CTNNA2: variants seen among roughly 807,000 people sequenced by gnomAD.
The protein encoded by CTNNA2 is catenin alpha-2.
In CTNNA2, 42 loss-of-function variants were observed where a neutral mutation model predicts 101.0. The observed-to-expected ratio is 0.42, with a 90% CI of 0.32 to 0.54. The LOEUF (loss-of-function observed/expected upper bound fraction) is 0.54. CTNNA2 is among the 20% of genes least tolerant of loss of function. CTNNA2 has a pLI of 0.14. For missense variants in CTNNA2, 871 were observed against 1,223.1 expected (o/e 0.71, Z 4.29); for synonymous variants, 450 against 456.4 (o/e 0.99, Z 0.18).
rs1573412629 is a variant in CTNNA2, at chr2:79,587,203, T to C, written c.-5-64349T>C. Among the ~76,000 whole-genome samples, 3 of 152,320 alleles carry C rather than the reference T, an allele frequency of 2.0e-5. No individual in the cohort carries two copies. In the South Asian group the frequency reaches 6.2e-4, roughly 32 times the overall value. The stretch of plus-strand genomic sequence containing the variant: ...GATACCCAGTAATGGGATGGCTGGA[T>C]GGAACGGTAGTTCTACTTTTAGTCC... On this transcript the variant is annotated intron_variant, in intron 1 of 18. Transcript: ENST00000402739.
intron 9 of CTNNA2, among the ~76,000 whole-genome samples, chr2:80,529,329 T>C (rs982093301): frequency 1.3e-5 from 2 of 152,308 alleles, no homozygotes; most frequent in Non-Finnish European, 2.9e-5. Flanking sequence ...ATTTGGCCCA[T>C]AGACATAGAT....
chr2:80,334,099 A>G (rs1006540370), intron 7 of CTNNA2, among the ~76,000 whole-genome samples: 1 of 152,088 alleles, frequency 6.6e-6, no homozygotes, highest in Non-Finnish European at 1.5e-5. Context: ...GAATTATGTC[A>G]TTTCTTCCTT....
chr2:79,683,413 C>T (rs539614676), intron 2 of CTNNA2, among the ~76,000 whole-genome samples: 1 of 152,300 alleles, frequency 6.6e-6, no homozygotes, highest in Non-Finnish European at 1.5e-5. Context: ...AGAAGTCCGT[C>T]TTTGGAAGTC....
At chr2:79,467,090 G>A (rs1670945835) in intron 4 of CTNNA2, among the ~76,000 whole-genome samples, 1 of 152,186 alleles carries the variant, frequency 6.6e-6, no homozygotes, top group African/African-American at 2.4e-5. Flanking sequence ...AGCTAAAGGA[G>A]GAATTTCAAA....
intron 7 of CTNNA2, among the ~76,000 whole-genome samples, chr2:80,059,846 A>G (rs1355081001): frequency 6.6e-6 from 1 of 152,216 alleles, no homozygotes; most frequent in Non-Finnish European, 1.5e-5. Context: ...TTATTAATTC[A>G]TAGCAGCCGT....
intron 4 of CTNNA2, among the ~76,000 whole-genome samples, chr2:79,481,570 G>A (rs1671110855): frequency 6.6e-6 from 1 of 152,014 alleles, no homozygotes; most frequent in Admixed American, 6.6e-5. Flanking sequence ...TAACACACAC[G>A]TACAAACACG....
intron 7 of CTNNA2, among the ~76,000 whole-genome samples, chr2:80,203,449 A>T (rs1010676862): frequency 6.6e-6 from 1 of 152,200 alleles, no homozygotes; most frequent in Admixed American, 6.5e-5. Context: ...TGGCCAAAAC[A>T]ATGGGGCCAC....
intron 7 of CTNNA2, among the ~76,000 whole-genome samples, chr2:80,083,099 C>G (rs1264458899): frequency 1.3e-5 from 2 of 152,038 alleles, no homozygotes. Flanking sequence ...GGGAAATACC[C>G]CTGGAACCTG....
intron 3 of CTNNA2, among the ~76,000 whole-genome samples, chr2:79,766,114 C>A (rs963048628): frequency 6.6e-6 from 1 of 152,138 alleles, no homozygotes; most frequent in Admixed American, 6.6e-5. Context: ...CTTATTGTTA[C>A]CAGTAAGTTT....
intron 3 of CTNNA2, among the ~76,000 whole-genome samples, chr2:79,839,401 T>A (rs2103831961): frequency 6.6e-6 from 1 of 152,174 alleles, no homozygotes; most frequent in East Asian, 1.9e-4. Flanking sequence ...TATGGACTTC[T>A]TTTTACTTAT....
At chr2:79,599,620 T>G (rs1271932602) in intron 1 of CTNNA2, among the ~76,000 whole-genome samples, 1 of 152,252 alleles carries the variant, frequency 6.6e-6, no homozygotes, top group Middle Eastern at 3.4e-3. Flanking sequence ...TTTAATAAAA[T>G]TGGAGTAGTA....
intron 7 of CTNNA2, among the ~76,000 whole-genome samples, chr2:80,076,429 C>T (rs764106405): frequency 2.6e-5 from 4 of 151,998 alleles, no homozygotes; most frequent in Non-Finnish European, 4.4e-5. Context: ...CAGATATGTG[C>T]CACCATGCCT....
At chr2:79,684,426 T>A (rs1018180066) in intron 2 of CTNNA2, among the ~76,000 whole-genome samples, 1 of 152,306 alleles carries the variant, frequency 6.6e-6, no homozygotes, top group African/African-American at 2.4e-5. Flanking sequence ...TAGTTTATTC[T>A]TAACATATTT....
chr2:79,336,860 C>A (rs1573092284), intron 3 of CTNNA2, among the ~76,000 whole-genome samples: 1 of 152,278 alleles, frequency 6.6e-6, no homozygotes, highest in Non-Finnish European at 1.5e-5. Context: ...GTGGTGTTGT[C>A]TATTTGTAGC....
At chr2:79,676,809 T>G (rs1006083297) in intron 2 of CTNNA2, among the ~76,000 whole-genome samples, 1 of 152,254 alleles carries the variant, frequency 6.6e-6, no homozygotes, top group Non-Finnish European at 1.5e-5. Context: ...TGAGAAATTG[T>G]GAAAAGCTTT....
At chr2:80,478,530 A>C (rs2149495717) in intron 9 of CTNNA2, among the ~76,000 whole-genome samples, 1 of 152,214 alleles carries the variant, frequency 6.6e-6, no homozygotes, top group South Asian at 2.1e-4. Context: ...CAGGTCTTAA[A>C]CTTAAGTCTT....
chr2:79,844,029 G>A (rs144333340), intron 3 of CTNNA2, among the ~76,000 whole-genome samples: 1 of 152,306 alleles, frequency 6.6e-6, no homozygotes, highest in East Asian at 1.9e-4. Flanking sequence ...TTTTAAATTT[G>A]TAGTGAAAAA....
At chr2:79,708,393 G>A (rs2104795821) in intron 2 of CTNNA2, among the ~76,000 whole-genome samples, 1 of 152,184 alleles carries the variant, frequency 6.6e-6, no homozygotes, top group South Asian at 2.1e-4. Flanking sequence ...GGTGAGTAGA[G>A]CTTTATTTTT....
intron 7 of CTNNA2, among the ~76,000 whole-genome samples, chr2:80,133,155 C>T (rs1437385527): frequency 6.6e-6 from 1 of 152,066 alleles, no homozygotes; most frequent in Non-Finnish European, 1.5e-5. Context: ...GTTGGAAAAG[C>T]AGGGAAGAGA....
Sources: allele counts gnomAD v4.1 joint callset (sites outside exome capture counted in the v4.1 genomes callset), GRCh38; gene constraint gnomAD v4.1.1; transcripts MANE v1.5; gene names NCBI Gene and HGNC (gene_info 2026-07-23, HGNC 2026-07-21).